The following SCN8A variants were observed in gnomAD, a reference collection of about 807,000 sequenced individuals.
SCN8A encodes the protein sodium voltage-gated channel alpha subunit 8.
In SCN8A, 30 loss-of-function variants were observed where a neutral mutation model predicts 184.1. That is an observed-to-expected ratio of 0.16 (90% CI 0.12 to 0.22). The LOEUF (loss-of-function observed/expected upper bound fraction) is 0.22. Ranked by LOEUF, SCN8A falls within the 10% of genes least tolerant of loss-of-function variation. SCN8A has a pLI of 1.00. For synonymous variants in SCN8A, 852 were observed against 907.0 expected, an observed-to-expected ratio of 0.94 and a Z score of 1.09; for missense variants, 1,057 against 2,498.9, an observed-to-expected ratio of 0.42 and a Z score of 12.30.
chr12:51,741,209 C>A (rs415640), intron 12 of SCN8A, among the ~76,000 whole-genome samples: 148,245 of 152,328 alleles, frequency 0.97, 72,269 homozygotes, highest in East Asian at 1. Flanking sequence ...TCATTATGTA[C>A]TAGCGATCTC....
chr12:51,673,032 C>A (rs548819415), intron 2 of SCN8A, among the ~76,000 whole-genome samples: 1 of 152,184 alleles, frequency 6.6e-6, no homozygotes, highest in African/African-American at 2.4e-5. Flanking sequence ...GGTTTTGTTT[C>A]CTATCATTTT....
At chr12:51,660,982 G>A (rs1447826014) in intron 1 of SCN8A, among the ~76,000 whole-genome samples, 2 of 152,156 alleles carry the variant, frequency 1.3e-5, no homozygotes, top group African/African-American at 2.4e-5. Flanking sequence ...TCTTAGATCA[G>A]TAAAGCCATA....
In SCN8A at chr12:51,807,141, A is replaced by T; in HGVS notation, c.5655A>T (p.Pro1885=). The T allele has an allele frequency of 6.2e-7, 1 of 1,613,956 alleles. No homozygotes were observed. The highest frequency in any genetic ancestry group is 1.1e-5 in the South Asian group (1 of 91,074). Reference sequence around the variant, plus strand: ...ATCCTTCCAAAGTGTCTTACGAGCCAATCACAACCACACTGCGTCGCAAGC... The same window carrying T: ...ATCCTTCCAAAGTGTCTTACGAGCCTATCACAACCACACTGCGTCGCAAGC... ...ASNPSKVSYE[P]ITTTLRRKQE... The change falls in exon 27 of 27, where the codon CCA becomes CCT. Residue 1885 remains proline (P), a synonymous_variant. Transcript: ENST00000627620. This position sits in a 1 kb window ranked among gnomAD's most constrained non-coding sequence, Gnocchi z 4.5.
chr12:51,749,532 G>C (rs1240506014), intron 13 of SCN8A, among the ~76,000 whole-genome samples: 1 of 152,048 alleles, frequency 6.6e-6, no homozygotes, highest in African/African-American at 2.4e-5. Flanking sequence ...TTTCTTTTTT[G>C]GGGGAGAAAA....
At chr12:51,698,867 T>C (rs955694353) in intron 6 of SCN8A, among the ~76,000 whole-genome samples, 4 of 152,228 alleles carry the variant, frequency 2.6e-5, no homozygotes. Context: ...TTATTGTACC[T>C]TCTCATTTAT....
At chr12:51,632,530 A>G (rs1276807030) in intron 1 of SCN8A, among the ~76,000 whole-genome samples, 1 of 152,106 alleles carries the variant, frequency 6.6e-6, no homozygotes, top group African/African-American at 2.4e-5. Flanking sequence ...ATCCCTGGAG[A>G]GGTAAAATCT....
chr12:51,770,918 T>C (rs1592152672), intron 19 of SCN8A, among the ~76,000 whole-genome samples: 1 of 152,222 alleles, frequency 6.6e-6, no homozygotes, highest in East Asian at 1.9e-4. Context: ...CCCCACTGCC[T>C]GGTTTACCCC....
intron 12 of SCN8A, among the ~76,000 whole-genome samples, chr12:51,728,498 C>T (rs1323427917): frequency 6.6e-6 from 1 of 152,146 alleles, no homozygotes; most frequent in East Asian, 1.9e-4. Context: ...CTTTGGGAGG[C>T]TGAGGCAGGA....
chr12:51,599,493 C>G (rs1025655292), intron 1 of SCN8A, among the ~76,000 whole-genome samples: 2 of 152,136 alleles, frequency 1.3e-5, no homozygotes, highest in African/African-American at 4.8e-5. Flanking sequence ...TTTGGGGGAG[C>G]AGTGAGAATC....
At chr12:51,708,424 A>C (rs1189414609) in intron 11 of SCN8A, among the ~76,000 whole-genome samples, 1 of 152,350 alleles carries the variant, frequency 6.6e-6, no homozygotes, top group East Asian at 1.9e-4. Flanking sequence ...GTATTTTTGA[A>C]TTTCAGAGAA....
chr12:51,706,245 C>T (rs1175061076), intron 10 of SCN8A, among the ~76,000 whole-genome samples, 177 bp from the exon 11 acceptor site: 1 of 152,238 alleles, frequency 6.6e-6, no homozygotes, highest in Non-Finnish European at 1.5e-5. Flanking sequence ...GGGTTCTGCT[C>T]TGTTCACTTA....
At chr12:51,702,125 C>T (rs1425132654) in intron 8 of SCN8A, among the ~76,000 whole-genome samples, 1 of 151,838 alleles carries the variant, frequency 6.6e-6, no homozygotes, top group East Asian at 1.9e-4. Flanking sequence ...AGTTCGAGAC[C>T]AGCCAGGCCA....
chr12:51,610,436 T>C (rs1408315623), intron 1 of SCN8A, among the ~76,000 whole-genome samples: 1 of 152,136 alleles, frequency 6.6e-6, no homozygotes, highest in Admixed American at 6.5e-5. Flanking sequence ...TGTACTTTGG[T>C]TTTTTTGTTT....
At chr12:51,662,161 T>C (rs1291164287) in intron 1 of SCN8A, among the ~76,000 whole-genome samples, 2 of 152,252 alleles carry the variant, frequency 1.3e-5, no homozygotes, top group African/African-American at 2.4e-5. Context: ...AAGATACTTT[T>C]GGACTTTTAT....
intron 1 of SCN8A, among the ~76,000 whole-genome samples, chr12:51,652,415 C>G (rs1940736160): frequency 6.6e-6 from 1 of 152,154 alleles, no homozygotes; most frequent in African/African-American, 2.4e-5. Context: ...TACACTATAG[C>G]TAGAATAACC....
chr12:51,622,687 G>A (rs191137180), intron 1 of SCN8A, among the ~76,000 whole-genome samples: 85 of 152,250 alleles, frequency 5.6e-4, no homozygotes, highest in Admixed American at 1.7e-3. Context: ...GTTAGTGTTT[G>A]CTAGGTTTCT....
At chr12:51,624,103 T>A (rs554984851) in intron 1 of SCN8A, among the ~76,000 whole-genome samples, 1 of 152,320 alleles carries the variant, frequency 6.6e-6, no homozygotes, top group South Asian at 2.1e-4. Flanking sequence ...GCAGCATGAT[T>A]TATAGTCCTT....
Position 51,774,308 on chromosome 12 carries a change from C to T in SCN8A, c.3765C>T (p.Gly1255=), listed in dbSNP as rs1478794416. ...TGTTGCTCAAGTGGACAGCCTATGG[C>T]TTCGTCAAGTTCTTCACCAATGCCT... ...LEMLLKWTAY[G]FVKFFTNAWC... The change falls in exon 20 of 27, where the codon GGC becomes GGT. Residue 1255 remains glycine (G), a synonymous_variant. Coordinates refer to ENST00000627620, the MANE Select transcript of SCN8A (RefSeq NM_001330260.2). 6.2e-7 allele frequency: 1 copy of T among 1,613,684 alleles called. No homozygotes were observed.
chr12:51,610,332 T>C (rs1056341204), intron 1 of SCN8A, among the ~76,000 whole-genome samples: 1 of 152,204 alleles, frequency 6.6e-6, no homozygotes, highest in South Asian at 2.1e-4. Context: ...TTCTGCAGTT[T>C]TGTATCCTTT....
Sources: gnomAD v4.1 joint callset for allele counts (sites outside exome capture counted in the v4.1 genomes callset) on GRCh38, gnomAD v4.1.1 for gene constraint, Gnocchi (gnomAD v3.1) non-coding constraint, MANE v1.5 for transcripts, NCBI Gene and HGNC (gene_info 2026-07-23, HGNC 2026-07-21) for gene names.